Variants in TRMT11 observed in about 807,000 individuals in gnomAD.
TRMT11 encodes the protein tRNA (guanine(10)-N(2))-methyltransferase TRMT11.
In TRMT11, 53 loss-of-function variants were observed where a neutral mutation model predicts 62.8. The observed-to-expected ratio is 0.84, with a 90% CI of 0.68 to 1.06. The LOEUF is 1.06. Ranked by LOEUF, TRMT11 falls within the 50% of genes least tolerant of loss-of-function variation. The probability of loss-of-function intolerance (pLI) is 0.00; values close to 1 mark genes in which losing one functional copy is unlikely to be tolerated. For missense variants in TRMT11, 556 were observed against 553.4 expected, an observed-to-expected ratio of 1.00 and a Z score of -0.05; for synonymous variants, 188 against 190.3, an observed-to-expected ratio of 0.99 and a Z score of 0.10.
chr6:126,002,288 A>G (rs893589473), intron 7 of TRMT11, among the ~76,000 whole-genome samples: 1 of 152,188 alleles, frequency 6.6e-6, no homozygotes, highest in Non-Finnish European at 1.5e-5. Context: ...CGTATTTTAG[A>G]CACTGTGAAT....
intron 17 of TRMT11, among the ~76,000 whole-genome samples, chr6:126,107,296 T>C (rs984062645): frequency 6.6e-6 from 1 of 152,214 alleles, no homozygotes; most frequent in Admixed American, 6.5e-5. Flanking sequence ...TACAGCACAC[T>C]ACTGTTTTAA....
At chr6:126,005,828 T>G (rs937553757) in intron 7 of TRMT11, among the ~76,000 whole-genome samples, 1 of 151,984 alleles carries the variant, frequency 6.6e-6, no homozygotes, top group African/African-American at 2.4e-5. Context: ...CAGCCGTAGA[T>G]CTGATCCCCT....
At chr6:126,245,814 T>C in the TRMT11 span, among the ~76,000 whole-genome samples, 2 of 152,172 alleles carry the variant, frequency 1.3e-5, no homozygotes, top group African/African-American at 2.4e-5. Context: ...AAAACCGTTA[T>C]AGGCTGGGTG....
chr6:126,036,433 C>T (rs375849612), intron 12 of TRMT11, among the ~76,000 whole-genome samples: 15 of 151,978 alleles, frequency 9.9e-5, no homozygotes, highest in Middle Eastern at 3.4e-3. Context: ...GGAAAAGAGG[C>T]GGGGATGAGG....
At chr6:126,001,224 A>G (rs181280870) in intron 7 of TRMT11, among the ~76,000 whole-genome samples, 45 of 152,216 alleles carry the variant, frequency 3.0e-4, no homozygotes, top group African/African-American at 1.0e-3. Context: ...AATATTTTTG[A>G]CAGCATCCTT....
chr6:126,149,040 T>C, intron 21 of TRMT11, among the ~76,000 whole-genome samples: 1 of 152,230 alleles, frequency 6.6e-6, no homozygotes, highest in Non-Finnish European at 1.5e-5. Context: ...AGTGTAATTA[T>C]TGTGTCAAAG....
intron 1 of TRMT11, among the ~76,000 whole-genome samples, chr6:125,987,746 T>C (rs958257828): frequency 6.6e-6 from 1 of 152,194 alleles, no homozygotes; most frequent in African/African-American, 2.4e-5. Context: ...ACCAGTCAGG[T>C]ATGACTCCTG....
chr6:126,149,962 C>A (rs1296275079), intron 21 of TRMT11, among the ~76,000 whole-genome samples: 3 of 152,178 alleles, frequency 2.0e-5, no homozygotes, highest in Non-Finnish European at 4.4e-5. Context: ...GAAAACCCAA[C>A]CCTTACTTCC....
At chr6:126,045,573 C>A (rs1162078214) in intron 16 of TRMT11, among the ~76,000 whole-genome samples, 3 of 152,132 alleles carry the variant, frequency 2.0e-5, no homozygotes, top group Non-Finnish European at 2.9e-5. Flanking sequence ...GAAAGTAGGT[C>A]CAGTGATAGT....
upstream of TRMT11, among the ~76,000 whole-genome samples, chr6:126,174,899 A>C (rs957828363): frequency 6.6e-6 from 1 of 152,198 alleles, no homozygotes; most frequent in African/African-American, 2.4e-5. Flanking sequence ...AATGACAGAA[A>C]TGGAGCACCC....
At chr6:126,159,487 A>G (rs1778164562) in intron 21 of TRMT11, among the ~76,000 whole-genome samples, 1 of 152,228 alleles carries the variant, frequency 6.6e-6, no homozygotes, top group Non-Finnish European at 1.5e-5. Flanking sequence ...TAGCAGAGCC[A>G]CAAGACAGAA....
intron 17 of TRMT11, among the ~76,000 whole-genome samples, chr6:126,107,497 G>A (rs951935825): frequency 1.3e-5 from 2 of 152,130 alleles, no homozygotes; most frequent in African/African-American, 4.8e-5. Context: ...GGTGACAGAG[G>A]ATCTAAAGTG....
intron 17 of TRMT11, among the ~76,000 whole-genome samples, chr6:126,108,516 G>A (rs941934368): frequency 2.6e-5 from 4 of 152,160 alleles, no homozygotes; most frequent in Non-Finnish European, 4.4e-5. Context: ...ACAACCTCAT[G>A]AGGTAAGTAG....
At chr6:126,130,997 C>T (rs895968491) in intron 21 of TRMT11, among the ~76,000 whole-genome samples, 3 of 152,002 alleles carry the variant, frequency 2.0e-5, no homozygotes, top group Admixed American at 2.0e-4. Flanking sequence ...TTACGAAGCA[C>T]GCAGTGGGAA....
At chr6:126,268,452 G>A in the TRMT11 span, among the ~76,000 whole-genome samples, 2 of 152,132 alleles carry the variant, frequency 1.3e-5, no homozygotes, top group African/African-American at 4.8e-5. Flanking sequence ...TGGGATGAGG[G>A]GGCATACCAG....
the TRMT11 span, among the ~76,000 whole-genome samples, chr6:126,219,799 T>A: frequency 6.6e-6 from 1 of 152,230 alleles, no homozygotes; most frequent in African/African-American, 2.4e-5. Context: ...AAATAATGAA[T>A]GAAGCATTTA....
At position 126,118,206 on chromosome 6, in the gene TRMT11, C is replaced by T. The variant is rs756977697; in HGVS notation, c.*1823+2351C>T. ...TTAAACCTCTTCAAATAACATTGAA[C>T]GATTAAGTGGCTGCTACTGTGGAGA... On this transcript the variant is annotated intron_variant and NMD_transcript_variant, in intron 21 of 22. Coordinates refer to the TRMT11 transcript ENST00000648977. 5.3e-5 allele frequency among the ~76,000 whole-genome samples: 8 copies of T among 152,110 alleles called. No individual in the cohort carries two copies. In the East Asian group the frequency reaches 9.7e-4, roughly 18 times the overall value.
rs774790568 is a variant in TRMT11, at chr6:126,012,790, A to G, written c.945A>G (p.Glu315=). The change falls in exon 10 of 13, where the codon GAA becomes GAG. Residue 315 remains glutamate (E), a synonymous_variant. Transcript: ENST00000334379. ...IITDPPYGIR[E]STRRTGSQKE... is the part of the protein sequence containing the mutation. ...GTCTAGCTCCATATGGTATCAGAGA[A>G]TCTACAAGAAGAACAGGTTCACAGA... is the stretch of plus-strand genomic sequence containing the variant. 2.7e-5 allele frequency: 44 copies of G among 1,613,712 alleles called. No individual in the cohort carries two copies. In the East Asian group the frequency reaches 9.4e-4, roughly 34 times the overall value.
At chr6:126,045,781 A>G (rs536541965) in intron 16 of TRMT11, among the ~76,000 whole-genome samples, 25 of 152,242 alleles carry the variant, frequency 1.6e-4, no homozygotes, top group Admixed American at 1.6e-3. Context: ...CTTGGGACAT[A>G]TGGTGGCAGG....
Sources: allele counts gnomAD v4.1 joint callset (sites outside exome capture counted in the v4.1 genomes callset), GRCh38; gene constraint gnomAD v4.1.1; transcripts MANE v1.5; gene names NCBI Gene and HGNC (gene_info 2026-07-23, HGNC 2026-07-21).